GON4L: variants seen among roughly 807,000 people sequenced by gnomAD.
GON4L encodes the protein gon-4 like.
Under a neutral mutation model 211.8 loss-of-function variants are expected in GON4L, and 87 were observed. That is an observed-to-expected ratio of 0.41 (90% CI 0.35 to 0.49). The LOEUF (loss-of-function observed/expected upper bound fraction) is 0.49. Among genes scored for constraint, GON4L ranks in the 20% least tolerant of loss-of-function variants. GON4L has a pLI of 0.15. For missense variants in GON4L, 2,155 were observed against 2,659.5 expected (o/e 0.81, Z 4.17); for synonymous variants, 875 against 962.6 (o/e 0.91, Z 1.68).
chr1:155,787,426 C>G (rs1179499400), intron 12 of GON4L, among the ~76,000 whole-genome samples: 1 of 152,168 alleles, frequency 6.6e-6, no homozygotes, highest in Admixed American at 6.5e-5. Flanking sequence ...AACACTATGT[C>G]TGGAGGACTG....
intron 31 of GON4L, 78 bp downstream of exon 31, chr1:155,751,689 T>C (rs1234749534): frequency 9.4e-6 from 9 of 956,200 alleles, no homozygotes; most frequent in Non-Finnish European, 1.5e-5. Flanking sequence ...ATATCAAAAC[T>C]CCTTCTTTGG....
At chr1:155,801,768 A>G (rs1666690497) in intron 11 of GON4L, among the ~76,000 whole-genome samples, 1 of 152,044 alleles carries the variant, frequency 6.6e-6, no homozygotes. Context: ...ATGTAATCCC[A>G]ACTACTGGGG....
In GON4L at chr1:155,795,158, A is replaced by G. The variant is rs1027189495; in HGVS notation, c.1646-7T>C. The G allele has an allele frequency of 1.3e-6, 2 of 1,496,622 alleles. No individual in the cohort carries two copies. Among genetic ancestry groups the G allele is most frequent in the African/African-American group, 2.7e-5 (2 of 72,758 alleles). The allele number at this position is 1,496,622 out of a possible 1,614,324, so 92.7% of individuals were successfully genotyped here. ...TCATCATCATCTGCTTCATCTAGGA[A>G]AAAAAAGTGTTTCAGATGCTCATTA... is the stretch of plus-strand genomic sequence containing the variant. On this transcript the variant is annotated splice_region_variant and splice_polypyrimidine_tract_variant and intron_variant, in intron 11 of 31. Coordinates refer to ENST00000368331, the MANE Select transcript of GON4L (RefSeq NM_001282860.2).
chr1:155,858,586 G>C (rs1672450569), upstream of GON4L, among the ~76,000 whole-genome samples: 1 of 146,006 alleles, frequency 6.8e-6, no homozygotes, highest in Non-Finnish European at 1.5e-5. Flanking sequence ...AGCACTTGAG[G>C]TTCATGAAAA....
chr1:155,808,912 C>G (rs1478527438), intron 10 of GON4L, among the ~76,000 whole-genome samples: 1 of 152,036 alleles, frequency 6.6e-6, no homozygotes, highest in African/African-American at 2.4e-5. Context: ...AAACCGGACC[C>G]TGTTTTTTAA....
At chr1:155,754,189 C>T in intron 28 of GON4L, 186 bp downstream of exon 28, 1 of 651,382 alleles carries the variant, frequency 1.5e-6, no homozygotes, top group Non-Finnish European at 2.8e-6. Flanking sequence ...ACAGAATTCT[C>T]TTTAAAAAAC....
rs1662083698 is a variant in GON4L, at chr1:155,763,655, A to T, written c.4474-91T>A. The stretch of plus-strand genomic sequence containing the variant: ...AGCTATATCAGGATAATCTGAAGTT[A>T]AACAATGGGGAGCCCACTACAGCTG... On this transcript the variant is annotated intron_variant, in intron 21 of 31. Coordinates refer to ENST00000368331, the MANE Select transcript of GON4L (RefSeq NM_001282860.2). 3.5e-6 allele frequency: 4 copies of T among 1,157,504 alleles called. No homozygotes were observed. In the South Asian group the frequency reaches 6.5e-5, roughly 19 times the overall value. The allele number at this position is 1,157,504 out of a possible 1,614,324, so 71.7% of individuals were successfully genotyped here.
chr1:155,839,855 CT>C (rs888416835), intron 2 of GON4L, among the ~76,000 whole-genome samples: 1 of 152,100 alleles, frequency 6.6e-6, no homozygotes, highest in African/African-American at 2.4e-5. Context: ...TATTGATTTG[CT>C]CTTAATGAAA....
At chr1:155,749,571 C>G, downstream of GON4L, 1 of 1,420,484 alleles carries the variant, frequency 7.0e-7, no homozygotes, top group Non-Finnish European at 9.5e-7. Flanking sequence ...TCCTTACCCC[C>G]ACCTCTTCTC....
At chr1:155,817,924 A>G (rs1018663864) in intron 6 of GON4L, among the ~76,000 whole-genome samples, 30 of 127,774 alleles carry the variant, frequency 2.3e-4, no homozygotes, top group African/African-American at 8.3e-4. Context: ...CAAGTCACTG[A>G]AAAAAAAAAA....
chr1:155,745,380 G>C (rs1660217794), downstream of GON4L, among the ~76,000 whole-genome samples: 1 of 152,260 alleles, frequency 6.6e-6, no homozygotes, highest in South Asian at 2.1e-4. Context: ...TGTGACTTCT[G>C]AAGAGATGAG....
intron 7 of GON4L, 77 bp from the exon 8 acceptor site, chr1:155,815,977 G>T (rs1668201177): frequency 2.2e-6 from 2 of 926,580 alleles, no homozygotes; most frequent in South Asian, 1.4e-5. Flanking sequence ...AGGGGAAGAA[G>T]CAGGGCAGAA....
chr1:155,803,659 C>T (rs1666889589), intron 11 of GON4L, among the ~76,000 whole-genome samples: 1 of 152,140 alleles, frequency 6.6e-6, no homozygotes, highest in African/African-American at 2.4e-5. Flanking sequence ...CTATGAGGTG[C>T]TATCAATCAC....
At chr1:155,772,933 T>C in intron 18 of GON4L, 133 bp downstream of exon 18, 2 of 1,171,106 alleles carry the variant, frequency 1.7e-6, no homozygotes, top group Non-Finnish European at 1.3e-6. Flanking sequence ...TCTGCTCATC[T>C]ATATTGCTTT....
At chr1:155,756,286 TA>T (rs1661171354) in intron 27 of GON4L, among the ~76,000 whole-genome samples, 1 of 152,230 alleles carries the variant, frequency 6.6e-6, no homozygotes, top group African/African-American at 2.4e-5. Context: ...GGTTCTATTT[TA>T]TTTTTTTAAT....
At chr1:155,811,784 G>A (rs1431937898) in intron 10 of GON4L, among the ~76,000 whole-genome samples, 2 of 114,420 alleles carry the variant, frequency 1.7e-5, no homozygotes, top group Admixed American at 1.8e-4. Flanking sequence ...AAAAAAGAAG[G>A]CTGGGCGCGG....
chr1:155,812,391 A>G (rs1667867489), intron 10 of GON4L, among the ~76,000 whole-genome samples: 1 of 152,182 alleles, frequency 6.6e-6, no homozygotes, highest in South Asian at 2.1e-4. Context: ...ACTGTTCCAG[A>G]TTAAAGGAGA....
chr1:155,773,790 G>C (rs545663185), intron 17 of GON4L, among the ~76,000 whole-genome samples: 25 of 152,192 alleles, frequency 1.6e-4, no homozygotes, highest in African/African-American at 5.3e-4. Context: ...TGCATTTCTA[G>C]AGACAAAACT....
chr1:155,780,184 A>C (rs1240549408), intron 14 of GON4L, among the ~76,000 whole-genome samples: 1 of 152,232 alleles, frequency 6.6e-6, no homozygotes, highest in Non-Finnish European at 1.5e-5. Context: ...AGTTCTGTTC[A>C]GGTAAACTAT....
Sources: gnomAD v4.1 joint callset for allele counts (sites outside exome capture counted in the v4.1 genomes callset) on GRCh38, gnomAD v4.1.1 for gene constraint, MANE v1.5 for transcripts, NCBI Gene and HGNC (gene_info 2026-07-23, HGNC 2026-07-21) for gene names.